UGP2: variants seen among roughly 807,000 people sequenced by gnomAD.
UGP2 encodes the protein UDP-glucose pyrophosphorylase 2.
A neutral mutation model predicts 49.0 loss-of-function variants in UGP2; 40 were observed. The observed-to-expected ratio is 0.82, with a 90% CI of 0.63 to 1.06. The LOEUF is 1.06. UGP2 is among the 50% of genes least tolerant of loss of function. UGP2 has a pLI of 0.00. For synonymous variants in UGP2, 225 were observed against 213.0 expected (o/e 1.06, Z -0.49); for missense variants, 460 against 603.5 (o/e 0.76, Z 2.49).
intron 4 of UGP2, among the ~76,000 whole-genome samples, chr2:63,882,920 A>T (rs916795544): frequency 6.6e-6 from 1 of 152,070 alleles, no homozygotes; most frequent in African/African-American, 2.4e-5. Context: ...TGCTCTACCC[A>T]CTTTCTTTCT....
chr2:63,870,652 CATTA>C (rs1255993308), intron 3 of UGP2, among the ~76,000 whole-genome samples: 5 of 152,182 alleles, frequency 3.3e-5, no homozygotes, highest in Admixed American at 2.0e-4. Flanking sequence ...GAACAGATTT[CATTA>C]ATTAATAGCC....
chr2:63,855,147 TTTATC>T (rs573326660), intron 1 of UGP2, among the ~76,000 whole-genome samples: 39 of 152,366 alleles, frequency 2.6e-4, no homozygotes, highest in Admixed American at 9.1e-4. Context: ...TACATTTAGT[TTTATC>T]TTATATGTTG....
chr2:63,886,022 AT>A lies in UGP2; in HGVS notation c.873+137del, dbSNP rs1334250558. 1.7e-4 allele frequency: 177 copies of A among 1,046,988 alleles called. 2 individuals are homozygous for A. In the Middle Eastern group the frequency reaches 2.6e-3, roughly 15 times the overall value. The allele number at this position is 1,046,988 out of a possible 1,614,324, so 64.9% of individuals were successfully genotyped here. A position where few individuals can be genotyped will look rare whatever the true frequency, so the allele number is the denominator to read the frequency against. On this transcript the variant is annotated intron_variant, in intron 6 of 9. Coordinates refer to ENST00000337130, the MANE Select transcript of UGP2 (RefSeq NM_006759.4). ...TGTTCTGTTTGACATAATAGTATGT[AT>A]CATAAATCCATAATAAATAGTATCA...
Position 63,887,494 on chromosome 2 carries a change from A to T in UGP2, c.1164A>T (p.Pro388=). 1.9e-6 allele frequency: 3 copies of T among 1,614,078 alleles called. No individual in the cohort carries two copies. Among genetic ancestry groups the T allele is most frequent in the Non-Finnish European group, 2.5e-6 (3 of 1,180,008 alleles). ...SFENSLGINV[P]RSRFLPVKTT... ...AGAATTCTCTAGGTATTAATGTGCC[A>T]AGGAGCCGTTTTCTGCCTGTCAAAA... The change falls in exon 8 of 10, where the codon CCA becomes CCT. Residue 388 remains proline (P), a synonymous_variant. Coordinates refer to ENST00000337130, the MANE Select transcript of UGP2 (RefSeq NM_006759.4).
intron 3 of UGP2, among the ~76,000 whole-genome samples, chr2:63,863,116 G>C (rs189800038): frequency 1.3e-5 from 2 of 152,262 alleles, no homozygotes; most frequent in Admixed American, 6.5e-5. Context: ...CTATAAAAAG[G>C]TGATGAATAT....
intron 3 of UGP2, among the ~76,000 whole-genome samples, chr2:63,868,784 G>T (rs568317445): frequency 3.8e-4 from 58 of 152,108 alleles, no homozygotes; most frequent in African/African-American, 1.3e-3. Flanking sequence ...TTCGAGACTA[G>T]CCAACATGGT....
At chr2:63,858,033 T>C (rs1669569105) in intron 3 of UGP2, 97 bp downstream of exon 3, 3 of 1,101,266 alleles carry the variant, frequency 2.7e-6, no homozygotes, top group Middle Eastern at 2.1e-4. Context: ...ATAACAATCA[T>C]GTGAGACAAG....
At position 63,841,990 on chromosome 2, in the gene UGP2, G is replaced by A; in HGVS notation, c.-196G>A. 1 of 605,608 alleles carries A rather than the reference G, an allele frequency of 1.7e-6. No homozygotes were observed. Among genetic ancestry groups the A allele is most frequent in the Non-Finnish European group, 2.5e-6 (1 of 397,526 alleles). 37.5% of individuals were successfully genotyped at this position (605,608 alleles called of 1,614,324 possible). ...GTTTCCGTCTTTTGGAATTGGGGAA[G>A]GAGTTTCTTTCTTTCTTTTCTTTTT... On this transcript the variant is annotated 5_prime_UTR_variant, in exon 1 of 10. Transcript: ENST00000337130.
intron 3 of UGP2, among the ~76,000 whole-genome samples, chr2:63,880,881 T>G (rs1296839086): frequency 6.6e-6 from 1 of 152,156 alleles, no homozygotes; most frequent in African/African-American, 2.4e-5. Flanking sequence ...TAGCACCCCC[T>G]GGAGTGCCCA....
rs545727641 is a variant in UGP2 at position 63,884,183 on chromosome 2, C to T, written c.575+90C>T. The stretch of plus-strand genomic sequence containing the variant: ...TATAACAGAGCAGTTTCAAGATGTA[C>T]AGGTACCAAATATTGATGTTCACAA... On this transcript the variant is annotated intron_variant, in intron 5 of 9. Transcript: ENST00000337130. 1.5e-4 allele frequency: 218 copies of T among 1,466,026 alleles called. No homozygotes were observed. In the African/African-American group the frequency reaches 2.6e-3, roughly 17 times the overall value. The allele number at this position is 1,466,026 out of a possible 1,614,324, so 90.8% of individuals were successfully genotyped here. A position where few individuals can be genotyped will look rare whatever the true frequency, so the allele number is the denominator to read the frequency against.
At chr2:63,851,952 G>A (rs1481123169) in intron 1 of UGP2, among the ~76,000 whole-genome samples, 1 of 152,140 alleles carries the variant, frequency 6.6e-6, no homozygotes. Context: ...CTCATTATGT[G>A]AGTAGAAAAA....
rs796323979 is a variant in UGP2, at chr2:63,850,441, A to G, written c.20-5865A>G. Among the ~76,000 whole-genome samples the G allele has an allele frequency of 3.9e-5, 6 of 152,332 alleles. 1 individual carries two copies. Among genetic ancestry groups the G allele is most frequent in the African/African-American group, 1.4e-4 (6 of 41,584 alleles). ...AAAAGATCATATAAAATTATGTAAG[A>G]TGCAACTTAATTGAATTTACTTTTC... On this transcript the variant is annotated intron_variant, in intron 1 of 9. Transcript: ENST00000337130.
At chr2:63,864,802 T>A (rs537739826) in intron 3 of UGP2, among the ~76,000 whole-genome samples, 1 of 152,318 alleles carries the variant, frequency 6.6e-6, no homozygotes, top group South Asian at 2.1e-4. Context: ...TAAAATACCC[T>A]CACTTCTCTT....
intron 9 of UGP2, 119 bp downstream of exon 9, chr2:63,890,304 CTAGTG>C: frequency 2.4e-6 from 1 of 413,414 alleles, no homozygotes; most frequent in Non-Finnish European, 4.4e-6. Context: ...ACCTTAATTA[CTAGTG>C]TAATTATTTT....
At chr2:63,866,306 A>G (rs1033568609) in intron 3 of UGP2, among the ~76,000 whole-genome samples, 2 of 152,254 alleles carry the variant, frequency 1.3e-5, no homozygotes, top group African/African-American at 4.8e-5. Flanking sequence ...ATGTAGACTT[A>G]TTTGTAAAAA....
chr2:63,852,172 T>C (rs1012411660), intron 1 of UGP2, among the ~76,000 whole-genome samples: 13 of 152,190 alleles, frequency 8.5e-5, no homozygotes, highest in African/African-American at 2.4e-4. Flanking sequence ...CAGAATAGCA[T>C]TGGAGTAGCA....
chr2:63,849,954 G>T (rs369146952), intron 1 of UGP2, among the ~76,000 whole-genome samples: 1 of 152,184 alleles, frequency 6.6e-6, no homozygotes, highest in East Asian at 1.9e-4. Context: ...GCTTTTCATC[G>T]TGATTTTATG....
intron 9 of UGP2, among the ~76,000 whole-genome samples, 177 bp from the exon 10 acceptor site, chr2:63,890,943 C>G (rs956883488): frequency 4.6e-5 from 7 of 151,752 alleles, no homozygotes; most frequent in African/African-American, 1.7e-4. Context: ...AGGATTGTTA[C>G]AGAAGGACAC....
At position 63,891,135 on chromosome 2, in the gene UGP2, A is replaced by G. The variant is rs1214609729; in HGVS notation, c.1435A>G (p.Ile479Val). The G allele has an allele frequency of 6.2e-7, 1 of 1,613,202 alleles. No homozygotes were observed. Among genetic ancestry groups the G allele is most frequent in the African/African-American group, 1.3e-5 (1 of 74,858 alleles). Residue 479 changes from isoleucine to valine, a missense_variant, in exon 10 of 10, where the codon ATT (isoleucine) becomes GTT (valine). By Grantham distance (29) the Ile-to-Val change is conservative. Around this residue, in one of 2 missense-constraint regions of UGP2, gnomAD observed 317 missense variants for 473.0 expected, o/e 0.67. Transcript: ENST00000337130. ...NVSLKGTVII[I>V]ANHGDRIDIP... is the part of the protein sequence containing the mutation. ...TGTCACTTAGGGAACGGTTATCATC[A>G]TTGCAAATCATGGTGACAGAATTGA...
Sources: gnomAD v4.1 joint callset for allele counts (sites outside exome capture counted in the v4.1 genomes callset) on GRCh38, gnomAD v4.1.1 for gene constraint, gnomAD v4.1.1 regional missense constraint, MANE v1.5 for transcripts, NCBI Gene and HGNC (gene_info 2026-07-23, HGNC 2026-07-21) for gene names.